The following RHEBL1 variants were observed in gnomAD, a reference collection of about 807,000 sequenced individuals.
The protein encoded by RHEBL1 is RHEB like 1.
In RHEBL1, 22 loss-of-function variants were observed where a neutral mutation model predicts 27.4. That is an observed-to-expected ratio of 0.80 (90% confidence interval 0.57 to 1.15). The LOEUF (loss-of-function observed/expected upper bound fraction) is 1.15, where lower values mean the gene tolerates loss of function less well. Ranked by LOEUF, RHEBL1 falls within the 50% of genes most tolerant of loss-of-function variation. The pLI, the probability that RHEBL1 is intolerant of heterozygous loss-of-function variation, is 0.00. For missense variants in RHEBL1, 186 were observed against 226.5 expected (o/e 0.82, Z 1.15); for synonymous variants, 85 against 80.8 (o/e 1.05, Z -0.28).
intron 2 of RHEBL1, 45 bp from the exon 3 acceptor site, chr12:49,067,080 A>C: frequency 8.0e-7 from 1 of 1,243,842 alleles, no homozygotes; most frequent in Non-Finnish European, 1.2e-6. Context: ...TTATAGGACC[A>C]GCGATGTATG....
rs145471717 is a variant in RHEBL1 at position 49,069,113 on chromosome 12, G to C, written c.53-7C>G. On this transcript the variant is annotated splice_region_variant and splice_polypyrimidine_tract_variant and intron_variant, in intron 1 of 7. Coordinates refer to ENST00000301068, the MANE Select transcript of RHEBL1 (RefSeq NM_144593.3). ...TGTGCCAAAGATGTCTTCCCTGTGG[G>C]GAGCAGTGTGACAGTTGTATCCAAA... The C allele has an allele frequency of 6.2e-7, 1 of 1,614,048 alleles. No individual in the cohort carries two copies. The highest frequency in any genetic ancestry group is 1.3e-5 in the African/African-American group (1 of 75,016).
At chr12:49,067,757 G>A (rs1316201078) in intron 2 of RHEBL1, among the ~76,000 whole-genome samples, 1 of 152,128 alleles carries the variant, frequency 6.6e-6, no homozygotes, top group Non-Finnish European at 1.5e-5. Flanking sequence ...TCCAGCCTGG[G>A]TGACAGAGCG....
intron 6 of RHEBL1, 63 bp from the exon 7 acceptor site, chr12:49,065,494 C>T: frequency 7.2e-7 from 1 of 1,393,182 alleles, no homozygotes; most frequent in Non-Finnish European, 1.0e-6. Context: ...TCTGAAAAAT[C>T]TTCAGAATCA....
chr12:49,065,296 C>T, intron 7 of RHEBL1, 54 bp downstream of exon 7: 1 of 1,575,352 alleles, frequency 6.3e-7, no homozygotes, highest in East Asian at 2.2e-5. Flanking sequence ...CCAAGCAGTA[C>T]AATAAGGAAA....
rs1266605044 is a variant in RHEBL1 at position 49,066,625 on chromosome 12, A to G, written c.269T>C (p.Leu90Pro). The change falls in exon 4 of 8, where the codon CTG (leucine) becomes CCG (proline). Residue 90 changes from leucine to proline, a missense_variant. By Grantham distance (98) the Leu-to-Pro change is moderately conservative (BLOSUM62 -3). This residue lies in a region of RHEBL1 where 34 missense variants were observed against 69.3 expected (regional missense o/e 0.49). Coordinates refer to ENST00000301068, the MANE Select transcript of RHEBL1 (RefSeq NM_144593.3). Reference sequence around the variant, plus strand: ...CACAACCTTGGTCACTTACCTATGCAGAGAGGTGACAGAATACACAAGCAC... The same window carrying G: ...CACAACCTTGGTCACTTACCTATGCGGAGAGGTGACAGAATACACAAGCAC... ...GYVLVYSVTS[L>P]HSFQVIESLY... The G allele has an allele frequency of 6.2e-7, 1 of 1,613,888 alleles. No homozygotes were observed.
chr12:49,065,533 T>C, intron 6 of RHEBL1, 102 bp from the exon 7 acceptor site: 1 of 922,356 alleles, frequency 1.1e-6, no homozygotes. Context: ...CAGTGGCTCA[T>C]GCCTGTAATG....
At chr12:49,066,823 T>A in intron 3 of RHEBL1, 122 bp from the exon 4 acceptor site, 1 of 1,116,754 alleles carries the variant, frequency 9.0e-7, no homozygotes, top group Non-Finnish European at 1.4e-6. Flanking sequence ...TCAACATGTA[T>A]TTATGGAACA....
At chr12:49,065,924 A>C (rs1592176752) in intron 6 of RHEBL1, among the ~76,000 whole-genome samples, 1 of 89,188 alleles carries the variant, frequency 1.1e-5, no homozygotes, top group Non-Finnish European at 3.0e-5. Context: ...GACTCCGTCT[A>C]AAAAAAAAAA....
At chr12:49,069,712 G>A (rs1445601362) in intron 1 of RHEBL1, 22 bp downstream of exon 1, 1 of 1,611,998 alleles carries the variant, frequency 6.2e-7, no homozygotes, top group East Asian at 2.2e-5. Flanking sequence ...GCGCGTCCGA[G>A]CTCTGCAGGG....
At chr12:49,068,699 G>T (rs1362063303) in intron 2 of RHEBL1, among the ~76,000 whole-genome samples, 1 of 152,108 alleles carries the variant, frequency 6.6e-6, no homozygotes, top group Admixed American at 6.5e-5. Context: ...GCTTCCCAAA[G>T]TGCTGGGATT....
At chr12:49,069,616 C>T in intron 1 of RHEBL1, 118 bp downstream of exon 1, 1 of 911,718 alleles carries the variant, frequency 1.1e-6, no homozygotes, top group Non-Finnish European at 1.8e-6. Context: ...CCAATCCTCG[C>T]TCTACAACCC....
At chr12:49,066,589 A>T in intron 4 of RHEBL1, 30 bp downstream of exon 4, 1 of 1,613,690 alleles carries the variant, frequency 6.2e-7, no homozygotes, top group Non-Finnish European at 8.5e-7. Context: ...GGTTCTCCCA[A>T]GTCCCGCACT....
rs560394517 is a variant in RHEBL1, at chr12:49,065,245, A to C, written c.463-53T>G. 7.7e-5 allele frequency: 120 copies of C among 1,555,166 alleles called. 1 individual carries two copies. In the East Asian group the frequency reaches 2.3e-3, roughly 30 times the overall value. Reference sequence around the variant, plus strand: ...AGTCAGTTCAGTGCCAATACCACCCAGCTCTGGGGTGAAAGCCCCATTCCC... The same window carrying C: ...AGTCAGTTCAGTGCCAATACCACCCCGCTCTGGGGTGAAAGCCCCATTCCC... On this transcript the variant is annotated intron_variant, in intron 7 of 7. Transcript: ENST00000301068.
chr12:49,067,278 T>A (rs1186131466), intron 2 of RHEBL1, among the ~76,000 whole-genome samples: 1 of 151,714 alleles, frequency 6.6e-6, no homozygotes, highest in African/African-American at 2.4e-5. Context: ...AATTACATTT[T>A]TTTTTTTTGA....
chr12:49,067,234 C>G (rs1037779757), intron 2 of RHEBL1, among the ~76,000 whole-genome samples, 199 bp from the exon 3 acceptor site: 1 of 151,480 alleles, frequency 6.6e-6, no homozygotes, highest in Non-Finnish European at 1.5e-5. Flanking sequence ...TCCCGAGTAG[C>G]TGGGATTACA....
chr12:49,069,682 C>T (rs1939056711), intron 1 of RHEBL1, 52 bp downstream of exon 1: 4 of 1,569,958 alleles, frequency 2.5e-6, no homozygotes. Context: ...CAGCGCGCCT[C>T]TTCTGGCTAC....
rs1268951244 is a variant in RHEBL1 at position 49,069,046 on chromosome 12, G to A, written c.113C>T (p.Thr38Ile). 4 of 1,613,962 alleles carry A rather than the reference G, an allele frequency of 2.5e-6. No homozygotes were observed. The highest frequency in any genetic ancestry group is 1.3e-5 in the African/African-American group (1 of 75,060). Reference sequence around the variant, plus strand: ...AGAAGTCTACTCACTATTCTCCACTGTAGGATCGTAGCCTTCCGAGAACTC... The same window carrying A: ...AGAAGTCTACTCACTATTCTCCACTATAGGATCGTAGCCTTCCGAGAACTC... Reference protein sequence around the residue: ...EGEFSEGYDPTVENTYSKIVT... With the variant: ...EGEFSEGYDPIVENTYSKIVT... Residue 38 changes from threonine to isoleucine, a missense_variant, in exon 2 of 8, where the codon ACA (threonine) becomes ATA (isoleucine). Thr to Ile is a moderately conservative substitution (Grantham distance 89). Coordinates refer to ENST00000301068, the MANE Select transcript of RHEBL1 (RefSeq NM_144593.3).
intron 2 of RHEBL1, among the ~76,000 whole-genome samples, chr12:49,067,614 A>T (rs1939018752): frequency 6.6e-6 from 1 of 152,064 alleles, no homozygotes. Flanking sequence ...CCCTGTCTCT[A>T]CTAAAAATAC....
rs896536734 is a variant in RHEBL1, at chr12:49,065,044, C to A, written c.*59G>T. On this transcript the variant is annotated 3_prime_UTR_variant, in exon 8 of 8. Coordinates refer to ENST00000301068, the MANE Select transcript of RHEBL1 (RefSeq NM_144593.3). ...CGTGAAGTCCTGAGGATCTGCCCCC[C>A]ACTGGAACATGGCAAGTGCCGGGGG... The A allele has an allele frequency of 5.6e-6, 7 of 1,247,536 alleles. No individual in the cohort carries two copies. Among genetic ancestry groups the A allele is most frequent in the African/African-American group, 2.9e-5 (2 of 67,834 alleles). 77.3% of individuals were successfully genotyped at this position (1,247,536 alleles called of 1,614,324 possible).
Sources: gnomAD v4.1 joint callset for allele counts (sites outside exome capture counted in the v4.1 genomes callset) on GRCh38, gnomAD v4.1.1 for gene constraint, gnomAD v4.1.1 regional missense constraint, MANE v1.5 for transcripts, NCBI Gene and HGNC (gene_info 2026-07-23, HGNC 2026-07-21) for gene names.